Variants in FBXL17 observed in about 807,000 individuals in gnomAD.
The protein encoded by FBXL17 is F-box/LRR-repeat protein 17.
Under a neutral mutation model 66.2 loss-of-function variants are expected in FBXL17, and 22 were observed. The observed-to-expected ratio is 0.33, with a 90% confidence interval of 0.24 to 0.47. FBXL17 has a LOEUF of 0.47. FBXL17 is among the 20% of genes least tolerant of loss of function. The probability of loss-of-function intolerance (pLI) is 1.00; values close to 1 mark genes in which losing one functional copy is unlikely to be tolerated. For synonymous variants in FBXL17, 474 were observed against 400.5 expected (o/e 1.18, Z -2.19); for missense variants, 878 against 948.2 (o/e 0.93, Z 0.97).
intron 7 of FBXL17, among the ~76,000 whole-genome samples, chr5:107,984,531 C>A (rs913701125): frequency 2.0e-5 from 3 of 152,156 alleles, no homozygotes; most frequent in Non-Finnish European, 4.4e-5. Flanking sequence ...CTGGTACCTA[C>A]TTGCTATAGC....
intron 3 of FBXL17, among the ~76,000 whole-genome samples, chr5:108,362,121 T>C (rs539855030): frequency 6.6e-6 from 1 of 152,314 alleles, no homozygotes; most frequent in African/African-American, 2.4e-5. Flanking sequence ...GGCAGGCTTT[T>C]GGAGCTGCCT....
intron 4 of FBXL17, among the ~76,000 whole-genome samples, chr5:108,326,660 G>A (rs1759871355): frequency 6.6e-6 from 1 of 151,886 alleles, no homozygotes; most frequent in African/African-American, 2.4e-5. Flanking sequence ...GAAGAGATAG[G>A]AAAGCCTAAT....
At chr5:108,356,131 G>A (rs1747971255) in intron 3 of FBXL17, among the ~76,000 whole-genome samples, 1 of 152,082 alleles carries the variant, frequency 6.6e-6, no homozygotes, top group Non-Finnish European at 1.5e-5. Context: ...AATGTTATCA[G>A]TGATAAAGGG....
chr5:107,952,957 T>C lies in FBXL17; in HGVS notation c.1822+67968A>G, dbSNP rs1460229814. ...TCCTCAAGGCTCAGTCCTCCTCCAT[T>C]ACTCCCACCAAATATTCCTCCCCTC... On this transcript the variant is annotated intron_variant, in intron 7 of 8. Transcript: ENST00000542267. 2.0e-5 allele frequency among the ~76,000 whole-genome samples: 3 copies of C among 152,290 alleles called. No individual in the cohort carries two copies. The East Asian group carries it at 5.8e-4, about 29-fold the overall frequency.
chr5:108,101,458 CCAAT>C (rs1427121122), intron 6 of FBXL17, among the ~76,000 whole-genome samples: 3 of 152,046 alleles, frequency 2.0e-5, no homozygotes, highest in African/African-American at 7.2e-5. Flanking sequence ...AGTGCTGGGC[CCAAT>C]CAAAGGAGGT....
intron 4 of FBXL17, among the ~76,000 whole-genome samples, chr5:108,230,766 G>C (rs1755300726): frequency 6.9e-6 from 1 of 145,958 alleles, no homozygotes; most frequent in Admixed American, 6.9e-5. Context: ...GCATAAGAAT[G>C]ATAGAATGGA....
chr5:107,990,021 T>C (rs1259119507), intron 7 of FBXL17, among the ~76,000 whole-genome samples: 3 of 152,154 alleles, frequency 2.0e-5, no homozygotes, highest in South Asian at 2.1e-4. Flanking sequence ...GGAGTGCAGA[T>C]CTGAAACTGG....
At chr5:108,112,245 C>A (rs973046858) in intron 6 of FBXL17, among the ~76,000 whole-genome samples, 1 of 152,170 alleles carries the variant, frequency 6.6e-6, no homozygotes, top group Admixed American at 6.5e-5. Context: ...AAGAAAACTA[C>A]TGAGGCCAGA....
chr5:108,003,659 G>C (rs1006560942), intron 7 of FBXL17, among the ~76,000 whole-genome samples: 2 of 152,024 alleles, frequency 1.3e-5, no homozygotes, highest in African/African-American at 4.8e-5. Flanking sequence ...TTATGAAAAA[G>C]AATCATAATT....
chr5:108,017,703 T>C (rs1376699790), intron 7 of FBXL17, among the ~76,000 whole-genome samples: 1 of 152,168 alleles, frequency 6.6e-6, no homozygotes, highest in East Asian at 1.9e-4. Context: ...ATGACATACA[T>C]TTGTTCAGTG....
chr5:107,995,283 A>T (rs539866619), intron 7 of FBXL17, among the ~76,000 whole-genome samples: 4 of 152,340 alleles, frequency 2.6e-5, no homozygotes, highest in African/African-American at 9.6e-5. Context: ...GAAATGATTC[A>T]ATGTTTTACA....
intron 4 of FBXL17, among the ~76,000 whole-genome samples, chr5:108,295,657 A>T (rs1434569635): frequency 1.3e-5 from 2 of 152,026 alleles, no homozygotes; most frequent in African/African-American, 4.8e-5. Flanking sequence ...ACACACAATC[A>T]ACAAACCTTC....
intron 6 of FBXL17, among the ~76,000 whole-genome samples, chr5:108,044,523 T>G (rs1483116742): frequency 1.3e-5 from 2 of 152,346 alleles, no homozygotes; most frequent in East Asian, 3.8e-4. Context: ...ATGATTCTTT[T>G]TATATGGTCC....
chr5:108,337,484 C>T (rs562003592), intron 4 of FBXL17, among the ~76,000 whole-genome samples: 28 of 152,186 alleles, frequency 1.8e-4, no homozygotes, highest in East Asian at 3.9e-4. Flanking sequence ...AGGAGTTACA[C>T]TGGGAGACAT....
At chr5:108,197,633 C>T (rs1753732222) in intron 5 of FBXL17, among the ~76,000 whole-genome samples, 1 of 152,158 alleles carries the variant, frequency 6.6e-6, no homozygotes. Flanking sequence ...TGATCTTGTA[C>T]TGTCTATTAA....
chr5:108,184,139 C>T (rs1753125332), intron 6 of FBXL17, among the ~76,000 whole-genome samples: 1 of 152,062 alleles, frequency 6.6e-6, no homozygotes. Flanking sequence ...GGAGGCCAGG[C>T]ACGGTGGCTT....
chr5:108,369,871 C>A (rs1254293887), intron 1 of FBXL17, among the ~76,000 whole-genome samples: 1 of 152,054 alleles, frequency 6.6e-6, no homozygotes, highest in Non-Finnish European at 1.5e-5. Flanking sequence ...AGATTAAACA[C>A]TGAAACAAAT....
intron 7 of FBXL17, among the ~76,000 whole-genome samples, chr5:107,907,142 C>T (rs1156312419): frequency 6.6e-6 from 1 of 152,150 alleles, no homozygotes; most frequent in African/African-American, 2.4e-5. Flanking sequence ...TGTCCTCTAC[C>T]TCTCCTTGAC....
At chr5:107,954,541 CA>C (rs1302749227) in intron 7 of FBXL17, among the ~76,000 whole-genome samples, 1 of 152,186 alleles carries the variant, frequency 6.6e-6, no homozygotes, top group Admixed American at 6.5e-5. Context: ...TAGGCAAAGA[CA>C]GCTGATTTTA....
Sources: gnomAD v4.1 joint callset for allele counts (sites outside exome capture counted in the v4.1 genomes callset) on GRCh38, gnomAD v4.1.1 for gene constraint, MANE v1.5 for transcripts, NCBI Gene and HGNC (gene_info 2026-07-23, HGNC 2026-07-21) for gene names.